The following RTL4 variants were observed in gnomAD, a reference collection of about 807,000 sequenced individuals.
RTL4 encodes the protein retrotransposon Gag like 4.
Under a neutral mutation model 5.3 loss-of-function variants are expected in RTL4, and 4 were observed. The ratio of observed to expected loss-of-function variants is 0.75; its 90% CI spans 0.37 to 1.72. The LOEUF (loss-of-function observed/expected upper bound fraction) is 1.72, where lower values mean the gene tolerates loss of function less well. Ranked by LOEUF, RTL4 falls within the 40% of genes most tolerant of loss-of-function variation. The pLI is 0.04. For missense variants in RTL4, 260 were observed against 227.1 expected (o/e 1.14, Z -0.93); for synonymous variants, 98 against 87.3 (o/e 1.12, Z -0.68).
the RTL4 span, among the ~76,000 whole-genome samples, chrX:112,313,237 G>C: frequency 9.0e-6 from 1 of 110,717 alleles, no homozygotes; most frequent in African/African-American, 3.3e-5. Context: ...CTGACTGGTG[G>C]CTATTTATGT....
At chrX:112,104,572 T>A in the RTL4 span, among the ~76,000 whole-genome samples, 1 of 112,243 alleles carries the variant, frequency 8.9e-6, no homozygotes, top group Non-Finnish European at 1.9e-5. Context: ...ACCTTTTGTC[T>A]TTTTGATAGT....
chrX:112,173,754 G>A, the RTL4 span, among the ~76,000 whole-genome samples: 1 of 110,190 alleles, frequency 9.1e-6, no homozygotes, highest in African/African-American at 3.3e-5. Flanking sequence ...AGAAAGGATT[G>A]AGACTAAATG....
the RTL4 span, among the ~76,000 whole-genome samples, chrX:112,440,262 T>C: frequency 1.4e-3 from 162 of 111,897 alleles, no homozygotes; most frequent in African/African-American, 4.9e-3. Flanking sequence ...GCAATTCCAT[T>C]CTGTTTCCTT....
downstream of RTL4, among the ~76,000 whole-genome samples, chrX:112,457,428 A>C (rs750792183): frequency 2.1e-4 from 23 of 111,837 alleles, no homozygotes; most frequent in Middle Eastern, 4.7e-3. Context: ...TCTAACAAGT[A>C]GAGCTATTGA....
chrX:112,229,446 T>C, the RTL4 span, among the ~76,000 whole-genome samples: 1 of 111,998 alleles, frequency 8.9e-6, no homozygotes, highest in East Asian at 2.8e-4. Flanking sequence ...AGTAGAACTT[T>C]AAACCTACTT....
At chrX:112,390,698 T>C in the RTL4 span, among the ~76,000 whole-genome samples, 1 of 111,001 alleles carries the variant, frequency 9.0e-6, no homozygotes, top group South Asian at 3.8e-4. Context: ...GGTAACCTGA[T>C]GGGGTTCCCT....
chrX:112,310,659 A>T, the RTL4 span, among the ~76,000 whole-genome samples: 1 of 62,846 alleles, frequency 1.6e-5, no homozygotes, highest in Admixed American at 2.9e-4. Context: ...TATATATATT[A>T]GTATATTTAT....
chrX:112,419,629 G>A, the RTL4 span, among the ~76,000 whole-genome samples: 39 of 9,727 alleles, frequency 4.0e-3, no homozygotes, highest in Middle Eastern at 0.13. Flanking sequence ...ATATATTTAA[G>A]TATGTAAATC....
chrX:112,357,313 T>G, the RTL4 span, among the ~76,000 whole-genome samples: 1 of 111,045 alleles, frequency 9.0e-6, no homozygotes, highest in Non-Finnish European at 1.9e-5. Flanking sequence ...TCAACTGATT[T>G]GGATCACCTG....
the RTL4 span, among the ~76,000 whole-genome samples, chrX:112,361,899 T>C: frequency 3.6e-5 from 4 of 111,572 alleles, no homozygotes; most frequent in African/African-American, 1.3e-4. Context: ...GGACCTTCAA[T>C]TGGAATTGAC....
the RTL4 span, among the ~76,000 whole-genome samples, chrX:112,329,421 A>C: frequency 9.0e-5 from 10 of 111,664 alleles, no homozygotes; most frequent in Admixed American, 9.5e-4. Context: ...GAAATGGATA[A>C]ATTCCTCGAC....
At chrX:112,193,478 T>C in the RTL4 span, among the ~76,000 whole-genome samples, 1 of 111,706 alleles carries the variant, frequency 9.0e-6, no homozygotes, top group Admixed American at 9.5e-5. Context: ...AGCTTCTCTC[T>C]TGTTGCTTTC....
the RTL4 span, among the ~76,000 whole-genome samples, chrX:112,262,787 T>A: frequency 0.23 from 25,776 of 109,719 alleles, 2,769 homozygotes; most frequent in African/African-American, 0.41. Context: ...AAGACTTGGA[T>A]CCAACCCAAA....
chrX:112,123,355 T>C, the RTL4 span, among the ~76,000 whole-genome samples: 1 of 112,608 alleles, frequency 8.9e-6, no homozygotes, highest in Non-Finnish European at 1.9e-5. Context: ...AAACACAGTG[T>C]GATCCTTATA....
chrX:112,225,690 G>A, the RTL4 span, among the ~76,000 whole-genome samples: 1 of 111,545 alleles, frequency 9.0e-6, no homozygotes, highest in Non-Finnish European at 1.9e-5. Context: ...CTGACTCAAT[G>A]AATTAGAATT....
downstream of RTL4, among the ~76,000 whole-genome samples, chrX:112,457,435 T>C (rs1032385895): frequency 9.0e-6 from 1 of 111,721 alleles, no homozygotes; most frequent in Non-Finnish European, 1.9e-5. Context: ...AGTAGAGCTA[T>C]TGAACGTAGA....
chrX:112,256,072 TTGAG>T, the RTL4 span, among the ~76,000 whole-genome samples: 1 of 112,277 alleles, frequency 8.9e-6, no homozygotes, highest in Non-Finnish European at 1.9e-5. Flanking sequence ...AAACACCTGT[TTGAG>T]TGAGCTCTCC....
chrX:112,202,732 T>C, the RTL4 span, among the ~76,000 whole-genome samples: 1 of 109,480 alleles, frequency 9.1e-6, no homozygotes, highest in Admixed American at 9.8e-5. Context: ...GGCTAATTTT[T>C]ATATTTTTAG....
the RTL4 span, among the ~76,000 whole-genome samples, chrX:112,300,280 A>G: frequency 8.9e-6 from 1 of 112,203 alleles, no homozygotes; most frequent in Non-Finnish European, 1.9e-5. Flanking sequence ...GTTGTATCAT[A>G]TTTTATTTAA....
Sources: gnomAD v4.1 joint callset for allele counts (sites outside exome capture counted in the v4.1 genomes callset) on GRCh38, gnomAD v4.1.1 for gene constraint, MANE v1.5 for transcripts, NCBI Gene and HGNC (gene_info 2026-07-23, HGNC 2026-07-21) for gene names.